Variants in BANK1 observed in about 807,000 individuals in gnomAD.
The protein encoded by BANK1 is B-cell scaffold protein with ankyrin repeats.
A neutral mutation model predicts 94.5 loss-of-function variants in BANK1; 95 were observed. The ratio of observed to expected loss-of-function variants is 1.00; its 90% CI spans 0.85 to 1.19. The LOEUF (loss-of-function observed/expected upper bound fraction) is 1.19. Ranked by LOEUF, BANK1 falls within the 50% of genes most tolerant of loss-of-function variation. BANK1 has a pLI of 0.00. For missense variants in BANK1, 987 were observed against 932.2 expected (o/e 1.06, Z -0.77); for synonymous variants, 334 against 308.4 (o/e 1.08, Z -0.87).
intron 4 of BANK1, among the ~76,000 whole-genome samples, chr4:101,864,682 G>A (rs1211039625): frequency 6.6e-6 from 1 of 152,158 alleles, no homozygotes; most frequent in African/African-American, 2.4e-5. Flanking sequence ...AGATTTATGG[G>A]AGCCTTCAGA....
chr4:101,809,853 G>C (rs1018778864), intron 1 of BANK1, among the ~76,000 whole-genome samples: 1 of 152,182 alleles, frequency 6.6e-6, no homozygotes, highest in African/African-American at 2.4e-5. Context: ...TGGTGTGGTA[G>C]ACAGAACAAT....
At chr4:102,068,229 A>G (rs1728651848) in intron 13 of BANK1, among the ~76,000 whole-genome samples, 1 of 152,112 alleles carries the variant, frequency 6.6e-6, no homozygotes, top group South Asian at 2.1e-4. Flanking sequence ...ATTATACTAG[A>G]AAATAACAAA....
chr4:102,017,406 T>A (rs542838938), intron 7 of BANK1, among the ~76,000 whole-genome samples: 2 of 152,278 alleles, frequency 1.3e-5, no homozygotes, highest in African/African-American at 4.8e-5. Context: ...ATAACTGTAG[T>A]TAAAGCTGAA....
intron 1 of BANK1, among the ~76,000 whole-genome samples, chr4:101,791,908 C>T (rs1401425817): frequency 6.6e-6 from 1 of 152,160 alleles, no homozygotes. Context: ...GAGCCCATAA[C>T]TTAATATTAT....
chr4:101,978,620 T>G (rs1264174478), intron 7 of BANK1, among the ~76,000 whole-genome samples: 1 of 152,100 alleles, frequency 6.6e-6, no homozygotes, highest in Admixed American at 6.6e-5. Flanking sequence ...TTTCTTGTTG[T>G]GTTTCTGAAA....
At position 102,025,428 on chromosome 4, in the gene BANK1, A is replaced by T. The variant is rs1727053805; in HGVS notation, c.1513A>T (p.Met505Leu). Residue 505 changes from methionine to leucine, a missense_variant, in exon 9 of 17, where the codon ATG becomes TTG. Transcript: ENST00000322953. ...AGAAAATAATTCACAAGAGCCACTC[A>T]TGAGCAGCAGACCTCCTCTCCCCCC... is the stretch of plus-strand genomic sequence containing the variant. Reference protein sequence around the residue: ...DPENNSQEPLMSSRPPLPPPR... With the variant: ...DPENNSQEPLLSSRPPLPPPR... 1 of 1,614,144 alleles carries T rather than the reference A, an allele frequency of 6.2e-7. No individual in the cohort carries two copies. The highest frequency in any genetic ancestry group is 8.5e-7 in the Non-Finnish European group (1 of 1,180,026).
In BANK1 at chr4:101,895,309, G is replaced by A. The variant is rs144703386; in HGVS notation, c.908G>A (p.Ser303Asn). The change falls in exon 6 of 17, where the codon AGC becomes AAC. Residue 303 changes from serine to asparagine, a missense_variant. Transcript: ENST00000322953. The part of the protein sequence containing the change: ...ADSGESLCQN[S>N]IEELDGVLTS... Reference sequence around the variant, plus strand: ...TTCTTTTTCACTTGAAAACAGAATAGCATTGAAGAACTTGATGGTGTCCTT... The same window carrying A: ...TTCTTTTTCACTTGAAAACAGAATAACATTGAAGAACTTGATGGTGTCCTT... 2.6e-6 allele frequency: 4 copies of A among 1,560,030 alleles called. No individual in the cohort carries two copies. Among genetic ancestry groups the A allele is most frequent in the East Asian group, 2.4e-5 (1 of 41,784 alleles).
intron 2 of BANK1, among the ~76,000 whole-genome samples, chr4:101,847,736 T>TACACACACACACACACAC (rs35196238): frequency 3.0e-4 from 44 of 145,876 alleles, no homozygotes; most frequent in African/African-American, 1.0e-3. Context: ...TATTCCATCA[T>TACACACACACACACACAC]ACACACACAC....
At chr4:101,857,596 T>G (rs1201399340) in intron 3 of BANK1, among the ~76,000 whole-genome samples, 3 of 152,216 alleles carry the variant, frequency 2.0e-5, no homozygotes, top group African/African-American at 7.2e-5. Flanking sequence ...TTGATTCCTC[T>G]GCCTTGTCAC....
intron 6 of BANK1, among the ~76,000 whole-genome samples, chr4:101,898,919 A>G (rs919777408): frequency 2.6e-5 from 4 of 152,120 alleles, no homozygotes; most frequent in African/African-American, 9.6e-5. Flanking sequence ...CAAATATTAT[A>G]TAATGTATCA....
chr4:101,920,448 G>A (rs13119516), intron 7 of BANK1, among the ~76,000 whole-genome samples: 17,198 of 151,756 alleles, frequency 0.11, 1,355 homozygotes, highest in Non-Finnish European at 0.17. Flanking sequence ...GAGAAAAATG[G>A]AATCTCATTA....
At chr4:101,790,975 G>T in intron 1 of BANK1, 25 bp downstream of exon 1, 1 of 1,473,758 alleles carries the variant, frequency 6.8e-7, no homozygotes, top group Non-Finnish European at 8.9e-7. Context: ...ATTCGGAGGG[G>T]CTTGACGCCG....
intron 1 of BANK1, among the ~76,000 whole-genome samples, chr4:101,800,549 T>G (rs1725325179): frequency 6.6e-6 from 1 of 152,200 alleles, no homozygotes; most frequent in South Asian, 2.1e-4. Context: ...TCATTCTCGT[T>G]AAAATCCTGT....
At chr4:102,071,728 A>G (rs1728769366) in intron 14 of BANK1, among the ~76,000 whole-genome samples, 1 of 152,204 alleles carries the variant, frequency 6.6e-6, no homozygotes, top group African/African-American at 2.4e-5. Flanking sequence ...AAAGCAAATG[A>G]AATTTGAGAA....
At chr4:102,066,945 TTA>T (rs1208538246) in intron 13 of BANK1, among the ~76,000 whole-genome samples, 4 of 152,130 alleles carry the variant, frequency 2.6e-5, no homozygotes, top group Non-Finnish European at 4.4e-5. Context: ...ATAAATAGAA[TTA>T]TATGTTTCCA....
intron 10 of BANK1, among the ~76,000 whole-genome samples, chr4:102,030,649 C>T (rs578117365): frequency 1.3e-4 from 18 of 143,368 alleles, no homozygotes; most frequent in African/African-American, 4.1e-4. Flanking sequence ...TCCATGTGTT[C>T]TCATCTTTCA....
intron 7 of BANK1, among the ~76,000 whole-genome samples, chr4:101,936,695 CAT>C (rs1352290554): frequency 1.3e-5 from 2 of 151,420 alleles, no homozygotes; most frequent in Non-Finnish European, 3.0e-5. Context: ...AAATAACAGA[CAT>C]ATGAAAAGTT....
At chr4:101,807,074 A>G (rs1725578515) in intron 1 of BANK1, among the ~76,000 whole-genome samples, 1 of 152,220 alleles carries the variant, frequency 6.6e-6, no homozygotes, top group East Asian at 1.9e-4. Context: ...CTACTGATGC[A>G]TAACTGCTGT....
At chr4:101,807,088 A>G (rs1409250068) in intron 1 of BANK1, among the ~76,000 whole-genome samples, 1 of 152,214 alleles carries the variant, frequency 6.6e-6, no homozygotes, top group Non-Finnish European at 1.5e-5. Flanking sequence ...CTGCTGTTCC[A>G]GAAAATCACC....
Sources: gnomAD v4.1 joint callset for allele counts (sites outside exome capture counted in the v4.1 genomes callset) on GRCh38, gnomAD v4.1.1 for gene constraint, MANE v1.5 for transcripts, NCBI Gene and HGNC (gene_info 2026-07-23, HGNC 2026-07-21) for gene names.